Variants in DNAH7 observed in about 807,000 individuals in gnomAD.
DNAH7 encodes axonemal beta dynein heavy chain 7.
DNAH7 carries 397 observed loss-of-function variants against 444.6 expected under a neutral mutation model. That is an observed-to-expected ratio of 0.89 (90% CI 0.82 to 0.97). The LOEUF is 0.97. Among genes scored for constraint, DNAH7 ranks in the 50% least tolerant of loss-of-function variants. The pLI, the probability that DNAH7 is intolerant of heterozygous loss-of-function variation, is 0.00. For missense variants in DNAH7, 4,902 were observed against 4,800.8 expected, an observed-to-expected ratio of 1.02 and a Z score of -0.62; for synonymous variants, 1,636 against 1,624.4, an observed-to-expected ratio of 1.01 and a Z score of -0.17.
intron 41 of DNAH7, 92 bp downstream of exon 41, chr2:195,864,057 T>C: frequency 7.8e-7 from 1 of 1,288,436 alleles, no homozygotes; most frequent in Non-Finnish European, 1.1e-6. Flanking sequence ...TATTTTGGGG[T>C]AAACTACAGG....
chr2:195,747,771 G>A (rs1195214972), intron 63 of DNAH7, among the ~76,000 whole-genome samples: 2 of 152,058 alleles, frequency 1.3e-5, no homozygotes, highest in Non-Finnish European at 2.9e-5. Flanking sequence ...AAAGGCCTTT[G>A]ACAAAATTCA....
chr2:195,742,885 G>A (rs1269578236), intron 63 of DNAH7, among the ~76,000 whole-genome samples: 1 of 152,160 alleles, frequency 6.6e-6, no homozygotes, highest in Admixed American at 6.5e-5. Flanking sequence ...AACTTGATTG[G>A]GTTGAAGTAT....
At chr2:195,872,626 T>G (rs903343543) in intron 39 of DNAH7, among the ~76,000 whole-genome samples, 157 bp from the exon 40 acceptor site, 3 of 152,148 alleles carry the variant, frequency 2.0e-5, no homozygotes, top group African/African-American at 7.2e-5. Context: ...ATAATACTAA[T>G]AGATTTTTAC....
chr2:195,954,464 T>C (rs1206288129), intron 19 of DNAH7, among the ~76,000 whole-genome samples: 1 of 152,256 alleles, frequency 6.6e-6, no homozygotes, highest in Non-Finnish European at 1.5e-5. Flanking sequence ...TCTTTGCTAT[T>C]GTGAATAGTG....
At chr2:195,835,172 T>C (rs1698281820) in intron 47 of DNAH7, among the ~76,000 whole-genome samples, 1 of 152,134 alleles carries the variant, frequency 6.6e-6, no homozygotes, top group Non-Finnish European at 1.5e-5. Flanking sequence ...ATTCTTTCTC[T>C]TTCTCTTAGA....
rs1039317062 is a variant in DNAH7 at position 195,743,698 on chromosome 2, G to A, written c.11765-2829C>T. Among the ~76,000 whole-genome samples, 4 of 152,222 alleles carry A rather than the reference G, an allele frequency of 2.6e-5. No homozygotes were observed. In the East Asian group the frequency reaches 5.8e-4, roughly 22 times the overall value. The stretch of plus-strand genomic sequence containing the variant: ...AACCCATTTATCTAAATCATTCCAT[G>A]GATTCTCTATTTCTTTCTGATAATT... On this transcript the variant is annotated intron_variant, in intron 63 of 64. Transcript: ENST00000312428.
At chr2:196,062,148 T>C (rs1188520585) in intron 1 of DNAH7, among the ~76,000 whole-genome samples, 1 of 152,172 alleles carries the variant, frequency 6.6e-6, no homozygotes, top group African/African-American at 2.4e-5. Context: ...CATCCTTTGC[T>C]CCCAGCAAGT....
intron 36 of DNAH7, among the ~76,000 whole-genome samples, chr2:195,880,008 T>A (rs537992317): frequency 1.3e-5 from 2 of 152,184 alleles, no homozygotes; most frequent in African/African-American, 4.8e-5. Flanking sequence ...TAGGTAATCT[T>A]TAAATAGAAT....
chr2:196,045,783 A>C (rs1330958995), intron 5 of DNAH7, among the ~76,000 whole-genome samples: 1 of 152,116 alleles, frequency 6.6e-6, no homozygotes, highest in Non-Finnish European at 1.5e-5. Context: ...CTTCTAAACC[A>C]ATAAAAATAA....
rs138512824 is a variant in DNAH7, at chr2:195,851,985, A to G, written c.8781+1358T>C. ...TTAAAAACAACACCACTGGCAGGGC[A>G]CGGTGGCTCACGCCTGTAATCCCGG... On this transcript the variant is annotated intron_variant, in intron 46 of 64. Transcript: ENST00000312428. Among the ~76,000 whole-genome samples, 97 of 152,276 alleles carry G rather than the reference A, an allele frequency of 6.4e-4. 1 individual carries two copies. In the South Asian group the frequency reaches 0.013, roughly 20 times the overall value.
chr2:196,034,491 G>A (rs1696260797), intron 5 of DNAH7, among the ~76,000 whole-genome samples: 1 of 152,158 alleles, frequency 6.6e-6, no homozygotes, highest in South Asian at 2.1e-4. Context: ...TGCTTTCCAA[G>A]TCCCAGTAGG....
chr2:195,763,781 C>T (rs974977820), intron 61 of DNAH7, among the ~76,000 whole-genome samples: 3 of 151,912 alleles, frequency 2.0e-5, no homozygotes, highest in Non-Finnish European at 4.4e-5. Flanking sequence ...GCTTAGAATT[C>T]AGTACTGAAT....
chr2:195,771,938 C>G (rs1145939), intron 60 of DNAH7, 48 bp from the exon 61 acceptor site: 1,126,970 of 1,525,404 alleles, frequency 0.74, 418,113 homozygotes, highest in African/African-American at 0.77. Flanking sequence ...AAAGGTCTAA[C>G]AATAGCTGAA....
intron 17 of DNAH7, among the ~76,000 whole-genome samples, chr2:195,962,138 G>A (rs903895761): frequency 1.3e-5 from 2 of 152,100 alleles, no homozygotes; most frequent in African/African-American, 4.8e-5. Context: ...AAAAGTGTTC[G>A]TTAGCTAAAT....
intron 24 of DNAH7, among the ~76,000 whole-genome samples, chr2:195,911,786 T>C (rs1161777853): frequency 6.6e-6 from 1 of 152,160 alleles, no homozygotes; most frequent in Non-Finnish European, 1.5e-5. Context: ...GAAGCATTTT[T>C]AGACAAAGAC....
intron 62 of DNAH7, among the ~76,000 whole-genome samples, chr2:195,754,838 C>T (rs1693995326): frequency 6.6e-6 from 1 of 152,178 alleles, no homozygotes; most frequent in Non-Finnish European, 1.5e-5. Flanking sequence ...GAATACAACA[C>T]TACTTAATAA....
chr2:195,944,941 C>A (rs1317913459), intron 19 of DNAH7, among the ~76,000 whole-genome samples: 1 of 151,874 alleles, frequency 6.6e-6, no homozygotes, highest in African/African-American at 2.4e-5. Context: ...CATGGTCCAC[C>A]AAACACTTCC....
intron 18 of DNAH7, among the ~76,000 whole-genome samples, chr2:195,959,434 A>G (rs1161059110): frequency 1.3e-5 from 2 of 151,642 alleles, no homozygotes; most frequent in Non-Finnish European, 3.0e-5. Context: ...TACCACTTTC[A>G]GAGTAGTTTA....
intron 2 of DNAH7, among the ~76,000 whole-genome samples, chr2:196,052,113 G>T (rs983125775): frequency 2.0e-5 from 3 of 152,178 alleles, no homozygotes; most frequent in African/African-American, 7.2e-5. Context: ...CAAACTTTCA[G>T]GATCCCAGTA....
Sources: gnomAD v4.1 joint callset for allele counts (sites outside exome capture counted in the v4.1 genomes callset) on GRCh38, gnomAD v4.1.1 for gene constraint, MANE v1.5 for transcripts, NCBI Gene and HGNC (gene_info 2026-07-23, HGNC 2026-07-21) for gene names.